The following MGMT variants were observed in gnomAD, a reference collection of about 807,000 sequenced individuals.
The protein encoded by MGMT is O-6-methylguanine-DNA methyltransferase, also known as methylated-DNA--protein-cysteine methyltransferase.
A neutral mutation model predicts 15.9 loss-of-function variants in MGMT; 14 were observed. That is an observed-to-expected ratio of 0.88 (90% CI 0.58 to 1.37). The LOEUF is 1.37. Ranked by LOEUF, MGMT falls within the 40% of genes most tolerant of loss-of-function variation. The pLI is 0.00. For synonymous variants in MGMT, 130 were observed against 118.2 expected (o/e 1.10, Z -0.65); for missense variants, 282 against 268.1 (o/e 1.05, Z -0.36).
At chr10:129,695,003 C>T (rs944028698) in intron 2 of MGMT, among the ~76,000 whole-genome samples, 4 of 152,194 alleles carry the variant, frequency 2.6e-5, no homozygotes, top group African/African-American at 9.6e-5. Flanking sequence ...CTGTAGTTAA[C>T]GTTGTTTTAT....
At chr10:129,547,767 A>G (rs1261667763) in intron 2 of MGMT, among the ~76,000 whole-genome samples, 2 of 152,204 alleles carry the variant, frequency 1.3e-5, no homozygotes, top group Non-Finnish European at 2.9e-5. Flanking sequence ...GGGAGTGTTC[A>G]TGGCTTCTGG....
At chr10:129,735,522 C>T (rs1324136387) in intron 3 of MGMT, among the ~76,000 whole-genome samples, 3 of 151,998 alleles carry the variant, frequency 2.0e-5, no homozygotes, top group Admixed American at 6.6e-5. Flanking sequence ...CTCCTGGATT[C>T]GTTAATTTTT....
chr10:129,710,829 A>G lies in MGMT; in HGVS notation c.274+2786A>G, dbSNP rs576814472. On this transcript the variant is annotated intron_variant, in intron 3 of 4. Transcript: ENST00000651593. ...TTTGCAGACTGAGAGGAGCGGGTCC[A>G]TTGTAACATGGAATGAACATTTCCT... Among the ~76,000 whole-genome samples, 9 of 152,362 alleles carry G rather than the reference A, an allele frequency of 5.9e-5. No homozygotes were observed. The East Asian group carries it at 1.5e-3, about 26-fold the overall frequency.
At chr10:129,741,521 A>C (rs140857181) in intron 3 of MGMT, among the ~76,000 whole-genome samples, 3 of 152,236 alleles carry the variant, frequency 2.0e-5, no homozygotes, top group Non-Finnish European at 4.4e-5. Context: ...CCCATGGTGG[A>C]GGTGGTGAGT....
At chr10:129,669,769 A>C (rs1847701183) in intron 2 of MGMT, among the ~76,000 whole-genome samples, 1 of 152,246 alleles carries the variant, frequency 6.6e-6, no homozygotes, top group Non-Finnish European at 1.5e-5. Context: ...AATCTGGAGA[A>C]GTAAATGAAC....
intron 1 of MGMT, among the ~76,000 whole-genome samples, chr10:129,526,097 G>A (rs1845866934): frequency 6.6e-6 from 1 of 152,236 alleles, no homozygotes; most frequent in African/African-American, 2.4e-5. Context: ...GGAGACCCCT[G>A]GTTACAGCGG....
At chr10:129,665,874 T>C (rs1847653671) in intron 2 of MGMT, among the ~76,000 whole-genome samples, 1 of 152,146 alleles carries the variant, frequency 6.6e-6, no homozygotes, top group Non-Finnish European at 1.5e-5. Context: ...GGAAAGTGTA[T>C]TGTGGGAGAG....
intron 3 of MGMT, among the ~76,000 whole-genome samples, chr10:129,723,406 A>G (rs961566838): frequency 5.9e-5 from 9 of 152,180 alleles, no homozygotes; most frequent in Admixed American, 1.3e-4. Context: ...CACACCATAC[A>G]CAAAAATTAA....
At position 129,646,742 on chromosome 10, in the gene MGMT, A is replaced by T. The variant is rs1389138139; in HGVS notation, c.126-61153A>T. ...GAAATATATATATATATATATATATATATATATATATATTTTCAGGGAATG... is the reference window on the plus strand; with the variant it reads ...GAAATATATATATATATATATATATTTATATATATATATTTTCAGGGAATG... On this transcript the variant is annotated intron_variant, in intron 2 of 4. Transcript: ENST00000651593. Among the ~76,000 whole-genome samples, 95 of 83,244 alleles carry T rather than the reference A, an allele frequency of 1.1e-3. 4 individuals carry two copies. Among genetic ancestry groups the T allele is most frequent in the Non-Finnish European group, 2.0e-3 (73 of 37,174 alleles). 54.6% of individuals were successfully genotyped at this position (83,244 alleles called of 152,430 possible).
intron 1 of MGMT, among the ~76,000 whole-genome samples, chr10:129,497,686 C>G (rs993818459): frequency 3.3e-5 from 5 of 152,152 alleles, no homozygotes; most frequent in Non-Finnish European, 7.3e-5. Context: ...CCTCCAAATT[C>G]CTGTGTTGAA....
At chr10:129,745,569 A>G (rs1419941954) in intron 3 of MGMT, among the ~76,000 whole-genome samples, 4 of 152,226 alleles carry the variant, frequency 2.6e-5, no homozygotes. Context: ...TGTTGCATGT[A>G]TCTACAGCTT....
chr10:129,572,476 G>A (rs991976276), intron 2 of MGMT, among the ~76,000 whole-genome samples: 3 of 152,122 alleles, frequency 2.0e-5, no homozygotes, highest in Non-Finnish European at 4.4e-5. Flanking sequence ...TTACTTAGAC[G>A]TCCTCAGAGT....
chr10:129,651,195 G>T (rs1042298417), intron 2 of MGMT, among the ~76,000 whole-genome samples: 1 of 152,180 alleles, frequency 6.6e-6, no homozygotes, highest in Non-Finnish European at 1.5e-5. Context: ...GCCCCGACCC[G>T]GAGGCTCCTG....
chr10:129,743,082 C>T (rs780591285), intron 3 of MGMT, among the ~76,000 whole-genome samples: 35 of 152,298 alleles, frequency 2.3e-4, no homozygotes, highest in Admixed American at 3.3e-4. Flanking sequence ...TCCCCTTGGC[C>T]GCTATGTGGG....
chr10:129,578,055 A>G (rs1456260443), intron 2 of MGMT, among the ~76,000 whole-genome samples: 1 of 152,220 alleles, frequency 6.6e-6, no homozygotes, highest in East Asian at 1.9e-4. Flanking sequence ...GAGGATGTGG[A>G]GAAATAGGAA....
chr10:129,770,296 G>A lies in MGMT; in HGVS notation c.*3299G>A, dbSNP rs1296192145. Among the ~76,000 whole-genome samples the A allele has an allele frequency of 1.3e-5, 2 of 152,244 alleles. No individual in the cohort carries two copies. The highest frequency in any genetic ancestry group is 2.4e-5 in the African/African-American group (1 of 41,470). On this transcript the variant is annotated 3_prime_UTR_variant, in exon 5 of 5. Coordinates refer to ENST00000651593, the MANE Select transcript of MGMT (RefSeq NM_002412.5). The stretch of plus-strand genomic sequence containing the variant: ...AAATCCCATCCACCTGAATTGCTGA[G>A]AAACGTAAGAGGTGGTGTGACCCGC...
intron 2 of MGMT, among the ~76,000 whole-genome samples, chr10:129,626,602 G>A (rs1847152562): frequency 6.6e-6 from 1 of 152,078 alleles, no homozygotes; most frequent in Non-Finnish European, 1.5e-5. Flanking sequence ...GTGCTCTTTG[G>A]GAGGATCCCC....
intron 3 of MGMT, among the ~76,000 whole-genome samples, chr10:129,747,884 T>C (rs554320994): frequency 2.0e-5 from 3 of 152,342 alleles, no homozygotes; most frequent in South Asian, 2.1e-4. Flanking sequence ...GAATGTTTTA[T>C]GCTTTTCTCA....
chr10:129,552,325 C>T (rs537843952), intron 2 of MGMT, among the ~76,000 whole-genome samples: 1 of 152,314 alleles, frequency 6.6e-6, no homozygotes, highest in East Asian at 1.9e-4. Flanking sequence ...TGAGCTGCGT[C>T]ACCATGACGC....
Sources: allele counts gnomAD v4.1 joint callset (sites outside exome capture counted in the v4.1 genomes callset), GRCh38; gene constraint gnomAD v4.1.1; transcripts MANE v1.5; gene names NCBI Gene and HGNC (gene_info 2026-07-23, HGNC 2026-07-21).